CCSER2: variants seen among roughly 807,000 people sequenced by gnomAD.
CCSER2 encodes the protein coiled-coil serine rich protein 2, also known as serine-rich coiled-coil domain-containing protein 2.
CCSER2 carries 46 observed loss-of-function variants against 92.3 expected under a neutral mutation model. The ratio of observed to expected loss-of-function variants is 0.50; its 90% CI spans 0.39 to 0.64. The LOEUF is 0.64. CCSER2 is among the 30% of genes least tolerant of loss of function. CCSER2 has a pLI of 0.00. For synonymous variants in CCSER2, 433 were observed against 431.4 expected (o/e 1.00, Z -0.04); for missense variants, 1,244 against 1,238.9 (o/e 1.00, Z -0.06).
At chr10:84,353,863 C>T (rs1006474081) in intron 1 of CCSER2, among the ~76,000 whole-genome samples, 5 of 151,306 alleles carry the variant, frequency 3.3e-5, no homozygotes, top group African/African-American at 9.7e-5. Flanking sequence ...TCTTTTCCTG[C>T]AGAAAAGAGG....
chr10:84,407,209 A>G (rs1320175370), intron 3 of CCSER2, among the ~76,000 whole-genome samples: 4 of 152,150 alleles, frequency 2.6e-5, no homozygotes, highest in Non-Finnish European at 5.9e-5. Context: ...CATCAAAATA[A>G]TTGGGCTTCA....
At chr10:84,405,313 T>C (rs1021599250) in intron 3 of CCSER2, among the ~76,000 whole-genome samples, 8 of 150,924 alleles carry the variant, frequency 5.3e-5, no homozygotes, top group Non-Finnish European at 1.0e-4. Flanking sequence ...TTACATCTTA[T>C]TCAGAAATTA....
intron 1 of CCSER2, among the ~76,000 whole-genome samples, chr10:84,348,742 G>GT (rs34991887): frequency 0.21 from 31,662 of 151,720 alleles, 3,571 homozygotes; most frequent in Admixed American, 0.34. Flanking sequence ...AAAGTTTTGG[G>GT]TTTTTTTGGT....
intron 1 of CCSER2, among the ~76,000 whole-genome samples, chr10:84,330,058 G>T (rs916654258): frequency 6.6e-5 from 10 of 152,200 alleles, no homozygotes; most frequent in African/African-American, 9.6e-5. Context: ...TAAGAATTCT[G>T]TAAAAATTCT....
intron 3 of CCSER2, among the ~76,000 whole-genome samples, chr10:84,383,526 G>A (rs1054477410): frequency 4.6e-5 from 7 of 152,000 alleles, no homozygotes; most frequent in Admixed American, 4.6e-4. Context: ...TAGCCAGGAT[G>A]GTCTCGATCT....
At chr10:84,368,467 T>C (rs1441156353) in intron 1 of CCSER2, among the ~76,000 whole-genome samples, 2 of 152,118 alleles carry the variant, frequency 1.3e-5, no homozygotes, top group Admixed American at 1.3e-4. Flanking sequence ...TTTCACTCTA[T>C]ACTTGAACAT....
chr10:84,464,921 A>T (rs748894221), intron 7 of CCSER2, among the ~76,000 whole-genome samples: 3 of 152,200 alleles, frequency 2.0e-5, no homozygotes, highest in Admixed American at 6.5e-5. Context: ...TAGGTTGCAG[A>T]GTGATTTATT....
chr10:84,457,507 CAT>C (rs1234275421), intron 6 of CCSER2, among the ~76,000 whole-genome samples: 74 of 113,066 alleles, frequency 6.5e-4, no homozygotes, highest in African/African-American at 2.4e-3. Context: ...TATCTGCAAT[CAT>C]ATATATTTAT....
chr10:84,469,410 T>G (rs1370466344), intron 7 of CCSER2, among the ~76,000 whole-genome samples: 2 of 152,114 alleles, frequency 1.3e-5, no homozygotes, highest in African/African-American at 4.8e-5. Context: ...TCTTCCACAT[T>G]GTTTGGGATG....
chr10:84,371,044 T>C lies in CCSER2; in HGVS notation c.-9T>C. On this transcript the variant is annotated 5_prime_UTR_variant, in exon 2 of 10. Transcript: ENST00000372088. ...TTCAACTTTTAAGAACAAATGCACC[T>C]TATAGCTCATGGAAGAAAAAACACA... 6.4e-7 allele frequency: 1 copy of C among 1,560,598 alleles called. No homozygotes were observed. Among genetic ancestry groups the C allele is most frequent in the Non-Finnish European group, 8.7e-7 (1 of 1,155,318 alleles).
chr10:84,368,260 A>G (rs1376769820), intron 1 of CCSER2, among the ~76,000 whole-genome samples: 1 of 152,190 alleles, frequency 6.6e-6, no homozygotes, highest in Non-Finnish European at 1.5e-5. Context: ...TCCAGGCAGT[A>G]ATCAGGCTGC....
intron 5 of CCSER2, among the ~76,000 whole-genome samples, chr10:84,430,966 A>C (rs71487109): frequency 0.058 from 8,871 of 151,858 alleles, 372 homozygotes; most frequent in Admixed American, 0.1. Context: ...TAACTAATAG[A>C]TTTTATTTTT....
chr10:84,483,998 A>ATATATAT (rs1564711769), intron 9 of CCSER2, among the ~76,000 whole-genome samples: 2 of 55,284 alleles, frequency 3.6e-5, no homozygotes, highest in African/African-American at 9.8e-5. Flanking sequence ...TATATATATA[A>ATATATAT]TTTTTTTTTT....
At chr10:84,342,928 A>G (rs564044962) in intron 1 of CCSER2, among the ~76,000 whole-genome samples, 4 of 152,098 alleles carry the variant, frequency 2.6e-5, no homozygotes, top group African/African-American at 4.8e-5. Flanking sequence ...CGCCCAGTGC[A>G]GTGGTGTGAT....
intron 1 of CCSER2, among the ~76,000 whole-genome samples, chr10:84,334,564 G>A (rs1843732186): frequency 1.3e-5 from 2 of 152,140 alleles, no homozygotes; most frequent in Non-Finnish European, 2.9e-5. Flanking sequence ...TTGGATCCAT[G>A]AGCACTGAAG....
At chr10:84,392,553 T>C (rs1841586187) in intron 3 of CCSER2, among the ~76,000 whole-genome samples, 1 of 151,960 alleles carries the variant, frequency 6.6e-6, no homozygotes, top group African/African-American at 2.4e-5. Flanking sequence ...TTTTCCCACA[T>C]GATGGGGCTT....
chr10:84,348,727 TA>T (rs982260003), intron 1 of CCSER2, among the ~76,000 whole-genome samples: 3 of 145,508 alleles, frequency 2.1e-5, no homozygotes, highest in Non-Finnish European at 4.6e-5. Flanking sequence ...GGGACTGTCT[TA>T]AAAAAAGTTT....
chr10:84,361,425 C>T (rs947681101), intron 1 of CCSER2, among the ~76,000 whole-genome samples: 4 of 152,094 alleles, frequency 2.6e-5, no homozygotes, highest in Non-Finnish European at 4.4e-5. Context: ...TCTGGCTCTT[C>T]CAGGTTTTTA....
intron 4 of CCSER2, among the ~76,000 whole-genome samples, chr10:84,421,343 T>C (rs1253128932): frequency 6.6e-6 from 1 of 152,178 alleles, no homozygotes; most frequent in African/African-American, 2.4e-5. Context: ...GGGTAATTTA[T>C]ACAGGAAAGA....
Sources: allele counts gnomAD v4.1 joint callset (sites outside exome capture counted in the v4.1 genomes callset), GRCh38; gene constraint gnomAD v4.1.1; transcripts MANE v1.5; gene names NCBI Gene and HGNC (gene_info 2026-07-23, HGNC 2026-07-21).